MEI4: variants seen among roughly 807,000 people sequenced by gnomAD.
The protein encoded by MEI4 is meiosis-specific protein MEI4.
Under a neutral mutation model 31.4 loss-of-function variants are expected in MEI4, and 27 were observed. The observed-to-expected ratio is 0.86, with a 90% CI of 0.63 to 1.19. MEI4 has a LOEUF of 1.19. Ranked by LOEUF, MEI4 falls within the 50% of genes most tolerant of loss-of-function variation. MEI4 has a pLI of 0.00. For missense variants in MEI4, 329 were observed against 398.9 expected (o/e 0.82, Z 1.49); for synonymous variants, 122 against 145.4 (o/e 0.84, Z 1.16).
intron 1 of MEI4, among the ~76,000 whole-genome samples, chr6:77,668,634 A>G (rs76084142): frequency 6.6e-6 from 1 of 152,312 alleles, no homozygotes; most frequent in East Asian, 1.9e-4. Flanking sequence ...TTGGAGTCAA[A>G]CTATATCTTC....
chr6:77,863,078 T>A (rs1770911471), intron 4 of MEI4, among the ~76,000 whole-genome samples: 1 of 129,702 alleles, frequency 7.7e-6, no homozygotes, highest in Admixed American at 7.9e-5. Flanking sequence ...CATCTGTACA[T>A]CACCATCATC....
At chr6:77,870,445 A>G (rs188206379) in intron 4 of MEI4, among the ~76,000 whole-genome samples, 2 of 152,356 alleles carry the variant, frequency 1.3e-5, no homozygotes, top group East Asian at 1.9e-4. Context: ...GAAATGAACA[A>G]AAGTATCATC....
At chr6:77,720,318 T>C (rs1430651910) in intron 2 of MEI4, among the ~76,000 whole-genome samples, 1 of 31,188 alleles carries the variant, frequency 3.2e-5, no homozygotes, top group East Asian at 1.2e-3. Flanking sequence ...TTGGGAATTA[T>C]AAGGAATTCC....
At chr6:77,746,290 T>G (rs535664178) in intron 2 of MEI4, among the ~76,000 whole-genome samples, 1 of 152,232 alleles carries the variant, frequency 6.6e-6, no homozygotes, top group African/African-American at 2.4e-5. Flanking sequence ...TTTAAATGTG[T>G]TTTCAGATAA....
intron 1 of MEI4, among the ~76,000 whole-genome samples, chr6:77,665,744 TGAAAG>T (rs1269823799): frequency 2.0e-5 from 3 of 151,308 alleles, no homozygotes; most frequent in African/African-American, 7.3e-5. Flanking sequence ...GCCCGGAAAA[TGAAAG>T]GAATTGAAAT....
upstream of MEI4, among the ~76,000 whole-genome samples, chr6:77,651,193 A>G (rs1344061908): frequency 1.3e-5 from 2 of 152,210 alleles, no homozygotes; most frequent in African/African-American, 4.8e-5. Flanking sequence ...GATAAGAAAC[A>G]TTTGAAAAAT....
intron 2 of MEI4, among the ~76,000 whole-genome samples, chr6:77,710,351 G>T (rs762539664): frequency 6.6e-6 from 1 of 151,586 alleles, no homozygotes; most frequent in Admixed American, 6.6e-5. Context: ...GTGAAACCCC[G>T]TCTCTACTAA....
intron 3 of MEI4, among the ~76,000 whole-genome samples, chr6:77,788,020 T>A (rs1250820282): frequency 6.6e-6 from 1 of 152,172 alleles, no homozygotes; most frequent in African/African-American, 2.4e-5. Flanking sequence ...CCTCATAAAA[T>A]GAGTTAGGGA....
chr6:77,902,327 T>A (rs1204648640), intron 4 of MEI4, among the ~76,000 whole-genome samples: 1 of 152,156 alleles, frequency 6.6e-6, no homozygotes, highest in African/African-American at 2.4e-5. Flanking sequence ...ATTTAATTCT[T>A]CCAGTCCATG....
At chr6:77,844,620 G>T (rs1463683897) in intron 4 of MEI4, among the ~76,000 whole-genome samples, 2 of 152,086 alleles carry the variant, frequency 1.3e-5, no homozygotes, top group Non-Finnish European at 1.5e-5. Flanking sequence ...TCAGAAATTG[G>T]TAATTTTATA....
intron 3 of MEI4, among the ~76,000 whole-genome samples, chr6:77,790,114 A>G (rs570617591): frequency 6.1e-4 from 92 of 152,050 alleles, no homozygotes; most frequent in Non-Finnish European, 1.2e-3. Context: ...AGGGACATGA[A>G]TGAAGCTGGA....
intron 3 of MEI4, among the ~76,000 whole-genome samples, chr6:77,779,709 T>C (rs1200960148): frequency 6.6e-6 from 1 of 152,178 alleles, no homozygotes; most frequent in Admixed American, 6.6e-5. Flanking sequence ...ATCTCCCAGT[T>C]ATCTCTGTCA....
At chr6:77,710,752 C>T (rs1419393194) in intron 2 of MEI4, among the ~76,000 whole-genome samples, 1 of 152,062 alleles carries the variant, frequency 6.6e-6, no homozygotes, top group Non-Finnish European at 1.5e-5. Context: ...CTGGGTTGTA[C>T]CCCAGACCAA....
chr6:77,886,888 T>C (rs1029605130), intron 4 of MEI4, among the ~76,000 whole-genome samples: 4 of 152,198 alleles, frequency 2.6e-5, no homozygotes, highest in Admixed American at 2.6e-4. Flanking sequence ...ATCTGTTTTG[T>C]TTATCTTCTC....
rs73761623 is a variant in MEI4 at position 77,906,412 on chromosome 6, C to T, written c.901-16677C>T. Among the ~76,000 whole-genome samples, 1,394 of 149,498 alleles carry T rather than the reference C, an allele frequency of 9.3e-3. 17 individuals carry two copies. The highest frequency in any genetic ancestry group is 0.032 in the African/African-American group (1,289 of 40,596). On this transcript the variant is annotated intron_variant, in intron 4 of 4. Transcript: ENST00000684080. ...GGTTCCAGCACCAAGGGCAAAGTTG[C>T]ATAGTCTCTGTATAGTTCTATCAAC...
intron 3 of MEI4, among the ~76,000 whole-genome samples, chr6:77,819,057 A>C (rs571791036): frequency 5.9e-5 from 9 of 152,326 alleles, no homozygotes; most frequent in African/African-American, 1.9e-4. Context: ...TAAGAAAATA[A>C]AATTTAAATG....
At chr6:77,866,703 C>A (rs1249571320) in intron 4 of MEI4, among the ~76,000 whole-genome samples, 1 of 152,158 alleles carries the variant, frequency 6.6e-6, no homozygotes, top group Admixed American at 6.6e-5. Context: ...CAATGACTTT[C>A]TTCACAGAAT....
intron 2 of MEI4, among the ~76,000 whole-genome samples, chr6:77,730,586 A>AT (rs531462335): frequency 4.6e-5 from 7 of 150,922 alleles, no homozygotes; most frequent in Admixed American, 3.3e-4. Context: ...TTAATTCAGT[A>AT]TTTTTTTTAG....
At chr6:77,759,022 G>A (rs572476682) in intron 2 of MEI4, among the ~76,000 whole-genome samples, 1 of 152,130 alleles carries the variant, frequency 6.6e-6, no homozygotes, top group South Asian at 2.1e-4. Flanking sequence ...CTGTCTAATC[G>A]ATCAAAACTG....
Sources: gnomAD v4.1 joint callset for allele counts (sites outside exome capture counted in the v4.1 genomes callset) on GRCh38, gnomAD v4.1.1 for gene constraint, MANE v1.5 for transcripts, NCBI Gene and HGNC (gene_info 2026-07-23, HGNC 2026-07-21) for gene names.